Variants in PPIP5K2 observed in about 807,000 individuals in gnomAD.
PPIP5K2 encodes inositol hexakisphosphate and diphosphoinositol-pentakisphosphate kinase 2.
A neutral mutation model predicts 154.6 loss-of-function variants in PPIP5K2; 105 were observed. The ratio of observed to expected loss-of-function variants is 0.68; its 90% confidence interval spans 0.58 to 0.80. The LOEUF is 0.80. Among genes scored for constraint, PPIP5K2 ranks in the 30% least tolerant of loss-of-function variants. The pLI, the probability that PPIP5K2 is intolerant of heterozygous loss-of-function variation, is 0.00. For synonymous variants in PPIP5K2, 480 were observed against 490.3 expected (o/e 0.98, Z 0.28); for missense variants, 992 against 1,504.6 (o/e 0.66, Z 5.64).
intron 17 of PPIP5K2, 113 bp from the exon 18 acceptor site, chr5:103,167,066 A>C (rs1797244669): frequency 1.3e-6 from 1 of 799,656 alleles, no homozygotes. Context: ...TGGTCATTTT[A>C]ATTTCTGCTA....
chr5:103,212,095 G>A lies in PPIP5K2; in HGVS notation c.*10461G>A, dbSNP rs1409647777. The stretch of plus-strand genomic sequence containing the variant: ...AGCTAGGGGAAGAGATAAACAGGGG[G>A]TTAGGTTGTAGATTATATGCATGAC... On this transcript the variant is annotated 3_prime_UTR_variant, in exon 31 of 31. Transcript: ENST00000358359. The A allele has an allele frequency of 6.6e-6, 1 of 152,042 alleles. No individual in the cohort carries two copies. The highest frequency in any genetic ancestry group is 1.5e-5 in the Non-Finnish European group (1 of 67,986). 9.4% of individuals were successfully genotyped at this position (152,042 alleles called of 1,614,324 possible). A position where few individuals can be genotyped will look rare whatever the true frequency, so the allele number is the denominator to read the frequency against.
At position 103,146,606 on chromosome 5, in the gene PPIP5K2, C is replaced by T. The variant is rs1192024320; in HGVS notation, c.567C>T (p.Val189=). The change falls in exon 6 of 31, where the codon GTC becomes GTT. Residue 189 remains valine (V), a synonymous_variant. Transcript: ENST00000358359. The stretch of plus-strand genomic sequence containing the variant: ...AAAAGCCATTTGTAGAAAAGCCAGT[C>T]AGTGCAGAAGATCACAATGTTTACA... ...VFQKPFVEKP[V]SAEDHNVYIY... 1.2e-6 allele frequency: 2 copies of T among 1,612,452 alleles called. No individual in the cohort carries two copies. The highest frequency in any genetic ancestry group is 1.7e-6 in the Non-Finnish European group (2 of 1,179,050).
intron 29 of PPIP5K2, among the ~76,000 whole-genome samples, chr5:103,191,616 C>A (rs1554226971): frequency 4.6e-5 from 7 of 152,030 alleles, no homozygotes; most frequent in Non-Finnish European, 1.0e-4. Context: ...GCTGTATAAC[C>A]CAGATTTTCC....
intron 24 of PPIP5K2, 85 bp downstream of exon 24, chr5:103,180,273 G>A (rs1002710374): frequency 4.1e-6 from 5 of 1,208,086 alleles, no homozygotes; most frequent in Non-Finnish European, 4.4e-6. Context: ...AGCTTTAATT[G>A]TGGAGCTTGG....
intron 30 of PPIP5K2, among the ~76,000 whole-genome samples, chr5:103,195,522 C>T (rs1271122386): frequency 4.6e-5 from 7 of 152,218 alleles, no homozygotes; most frequent in African/African-American, 2.4e-5. Context: ...CTCAGTCTGA[C>T]TATGTGACTA....
chr5:103,211,673 T>A lies in PPIP5K2; in HGVS notation c.*10039T>A, dbSNP rs1554232588. On this transcript the variant is annotated 3_prime_UTR_variant, in exon 31 of 31. Transcript: ENST00000358359. Reference sequence around the variant, plus strand: ...ATCATATGCATTTCTCACAGTGACCTGAAAACAGGCATTCCTTCTCTAAAT... The same window carrying A: ...ATCATATGCATTTCTCACAGTGACCAGAAAACAGGCATTCCTTCTCTAAAT... 6.6e-6 allele frequency: 1 copy of A among 152,138 alleles called. No individual in the cohort carries two copies. The highest frequency in any genetic ancestry group is 6.6e-5 in the Admixed American group (1 of 15,264). The allele number at this position is 152,138 out of a possible 1,614,324, so 9.4% of individuals were successfully genotyped here.
At chr5:103,191,766 T>C (rs1801276398) in intron 29 of PPIP5K2, among the ~76,000 whole-genome samples, 1 of 152,118 alleles carries the variant, frequency 6.6e-6, no homozygotes, top group Non-Finnish European at 1.5e-5. Flanking sequence ...CGTTTTCAGC[T>C]CTATAGGATT....
chr5:103,158,540 A>G lies in PPIP5K2; in HGVS notation c.1704A>G (p.Gly568=). The part of the protein sequence containing the change: ...HDLKIYASDE[G]RVQMTAAAFA... ...TCAAAATATATGCCTCTGATGAAGG[A>G]CGAGTCCAGATGACTGCAGCTGCTT... The change falls in exon 16 of 31, where the codon GGA becomes GGG. Residue 568 remains glycine (G), a synonymous_variant. Coordinates refer to ENST00000358359, the MANE Select transcript of PPIP5K2 (RefSeq NM_001276277.3). 1.9e-6 allele frequency: 3 copies of G among 1,611,166 alleles called. No individual in the cohort carries two copies. The highest frequency in any genetic ancestry group is 2.5e-6 in the Non-Finnish European group (3 of 1,179,096).
chr5:103,170,239 A>T (rs1797772071), intron 19 of PPIP5K2, among the ~76,000 whole-genome samples: 1 of 151,476 alleles, frequency 6.6e-6, no homozygotes, highest in Non-Finnish European at 1.5e-5. Context: ...TTCATAATAA[A>T]TTTTTTTAAA....
Position 103,187,343 on chromosome 5 carries a change from T to C in PPIP5K2, c.3319T>C (p.Phe1107Leu), listed in dbSNP as rs1800550554. The part of the protein sequence containing the change: ...DATRGSAVKR[F>L]SISFARHPTN... The stretch of plus-strand genomic sequence containing the variant: ...CACACGCGGTTCTGCTGTTAAAAGG[T>C]TTTCTATCTCATTTGCTCGACACCC... The change falls in exon 28 of 31, where the codon TTT becomes CTT. Residue 1107 changes from phenylalanine to leucine, a missense_variant. Phe to Leu is a conservative substitution (Grantham distance 22, BLOSUM62 0). This residue lies in a region of PPIP5K2 where 29 missense variants were observed against 56.4 expected (regional missense o/e 0.51). Coordinates refer to ENST00000358359, the MANE Select transcript of PPIP5K2 (RefSeq NM_001276277.3). The C allele has an allele frequency of 6.5e-7, 1 of 1,535,514 alleles. No individual in the cohort carries two copies. The highest frequency in any genetic ancestry group is 8.7e-7 in the Non-Finnish European group (1 of 1,146,374).
At chr5:103,165,187 A>T (rs1378296561) in intron 17 of PPIP5K2, among the ~76,000 whole-genome samples, 1 of 152,118 alleles carries the variant, frequency 6.6e-6, no homozygotes, top group Non-Finnish European at 1.5e-5. Flanking sequence ...TATTGATAAG[A>T]CAGCTAAGGT....
intron 5 of PPIP5K2, among the ~76,000 whole-genome samples, chr5:103,144,259 A>G (rs1554208378): frequency 6.6e-6 from 1 of 152,158 alleles, no homozygotes; most frequent in African/African-American, 2.4e-5. Context: ...AAACCATAAA[A>G]TGCTGATGAA....
In PPIP5K2 at chr5:103,201,581, A is replaced by T; in HGVS notation, c.3679A>T (p.Thr1227Ser). ...TACCTCATCTCGGAAAAAGAATATA[A>T]CTAGCAAAACAGAAACGCATGAACA... Reference protein sequence around the residue: ...PNTSSRKKNITSKTETHEHKK... With the variant: ...PNTSSRKKNISSKTETHEHKK... The change falls in exon 31 of 31, where the codon ACT (threonine) becomes TCT (serine). Residue 1227 changes from threonine (T) to serine (S), a missense_variant. Transcript: ENST00000358359. 6.2e-7 allele frequency: 1 copy of T among 1,611,678 alleles called. No individual in the cohort carries two copies. Among genetic ancestry groups the T allele is most frequent in the South Asian group, 1.1e-5 (1 of 90,548 alleles).
intron 28 of PPIP5K2, 24 bp downstream of exon 28, chr5:103,187,400 A>C: frequency 6.7e-7 from 1 of 1,485,652 alleles, no homozygotes; most frequent in Non-Finnish European, 9.1e-7. Flanking sequence ...TTATTTTAAA[A>C]GATACTCCCC....
At chr5:103,158,643 T>C (rs1795776947) in intron 16 of PPIP5K2, 70 bp downstream of exon 16, 1 of 1,312,518 alleles carries the variant, frequency 7.6e-7, no homozygotes, top group Non-Finnish European at 1.0e-6. Context: ...CATTTTTGGC[T>C]GGGCGCAGTG....
intron 1 of PPIP5K2, among the ~76,000 whole-genome samples, chr5:103,122,587 C>T (rs1583164083): frequency 6.6e-6 from 1 of 152,150 alleles, no homozygotes; most frequent in Non-Finnish European, 1.5e-5. Flanking sequence ...CTGCAGAAGC[C>T]TATTTATTCC....
rs112836296 is a variant in PPIP5K2, at chr5:103,176,868, C to T, written c.2530-799C>T. On this transcript the variant is annotated intron_variant, in intron 21 of 30. Coordinates refer to ENST00000358359, the MANE Select transcript of PPIP5K2 (RefSeq NM_001276277.3). ...GCTCTATGATTACATGTTTAAAGAC[C>T]AATGATTCTCAGAATGAAGATGGAG... is the stretch of plus-strand genomic sequence containing the variant. 6 of 1,422,306 alleles carry T rather than the reference C, an allele frequency of 4.2e-6. No individual in the cohort carries two copies. The African/African-American group carries it at 7.1e-5, about 17-fold the overall frequency. 88.1% of individuals were successfully genotyped at this position (1,422,306 alleles called of 1,614,324 possible). A position where few individuals can be genotyped will look rare whatever the true frequency, so the allele number is the denominator to read the frequency against.
At chr5:103,174,019 T>TACAA in intron 21 of PPIP5K2, 47 bp downstream of exon 21, 6 of 1,336,590 alleles carry the variant, frequency 4.5e-6, no homozygotes, top group South Asian at 1.3e-5. Context: ...TTTAATTTTG[T>TACAA]AATTAAATCA....
chr5:103,154,750 G>C lies in PPIP5K2; in HGVS notation c.1293+5G>C. On this transcript the variant is annotated splice_donor_5th_base_variant and intron_variant, in intron 12 of 30. Transcript: ENST00000358359. Reference sequence around the variant, plus strand: ...AAAAAACCAAAACAGTTACAGGCAAGTGTATTTGCTTTCTTGTTTAATTTT... The same window carrying C: ...AAAAAACCAAAACAGTTACAGGCAACTGTATTTGCTTTCTTGTTTAATTTT... 8.9e-6 allele frequency: 14 copies of C among 1,577,868 alleles called. No homozygotes were observed. Among genetic ancestry groups the C allele is most frequent in the Non-Finnish European group, 1.2e-5 (14 of 1,161,852 alleles).
Sources: gnomAD v4.1 joint callset for allele counts (sites outside exome capture counted in the v4.1 genomes callset) on GRCh38, gnomAD v4.1.1 for gene constraint, gnomAD v4.1.1 regional missense constraint, MANE v1.5 for transcripts, NCBI Gene and HGNC (gene_info 2026-07-23, HGNC 2026-07-21) for gene names.